FAM185A: variants seen among roughly 807,000 people sequenced by gnomAD.
FAM185A encodes protein FAM185A.
Under a neutral mutation model 45.7 loss-of-function variants are expected in FAM185A, and 21 were observed. That is an observed-to-expected ratio of 0.46 (90% confidence interval 0.33 to 0.66). The LOEUF is 0.66. FAM185A is among the 30% of genes least tolerant of loss of function. The pLI, the probability that FAM185A is intolerant of heterozygous loss-of-function variation, is 0.03. For synonymous variants in FAM185A, 117 were observed against 194.0 expected, an observed-to-expected ratio of 0.60 and a Z score of 3.30; for missense variants, 305 against 485.4, an observed-to-expected ratio of 0.63 and a Z score of 3.49.
At chr7:102,815,861 G>A in the FAM185A span, among the ~76,000 whole-genome samples, 1 of 152,064 alleles carries the variant, frequency 6.6e-6, no homozygotes, top group African/African-American at 2.4e-5. Context: ...TGGTAATTGT[G>A]ACATAAAACA....
At chr7:102,768,898 T>C (rs1446723938) in intron 4 of FAM185A, among the ~76,000 whole-genome samples, 2 of 152,166 alleles carry the variant, frequency 1.3e-5, no homozygotes, top group African/African-American at 4.8e-5. Flanking sequence ...AATTAATTTA[T>C]TATTTTCAGT....
the FAM185A span, among the ~76,000 whole-genome samples, chr7:102,831,431 A>ACACC: frequency 9.4e-4 from 138 of 147,236 alleles, 1 homozygote; most frequent in Admixed American, 2.0e-3. Flanking sequence ...ACACACACAC[A>ACACC]CCCCACTACA....
At chr7:102,843,439 A>C in the FAM185A span, among the ~76,000 whole-genome samples, 8 of 152,092 alleles carry the variant, frequency 5.3e-5, no homozygotes, top group East Asian at 1.5e-3. Context: ...ACTCCATCTC[A>C]AAAACAAAAA....
At chr7:102,781,116 G>A (rs1795378399) in intron 6 of FAM185A, among the ~76,000 whole-genome samples, 1 of 152,144 alleles carries the variant, frequency 6.6e-6, no homozygotes, top group Non-Finnish European at 1.5e-5. Context: ...GCTAGGGGAG[G>A]GGCGTCCACC....
chr7:102,816,734 C>T, the FAM185A span, among the ~76,000 whole-genome samples: 8 of 152,186 alleles, frequency 5.3e-5, no homozygotes, highest in African/African-American at 1.7e-4. Context: ...ACATAATGCC[C>T]AGTAGGTACT....
At chr7:102,761,698 C>T (rs1364297565) in intron 4 of FAM185A, among the ~76,000 whole-genome samples, 1 of 151,450 alleles carries the variant, frequency 6.6e-6, no homozygotes, top group African/African-American at 2.4e-5. Context: ...GAGTCTTGCT[C>T]TGTTGCCTAG....
chr7:102,780,312 G>A (rs1364802882), intron 6 of FAM185A, among the ~76,000 whole-genome samples: 2 of 152,108 alleles, frequency 1.3e-5, no homozygotes, highest in Middle Eastern at 3.4e-3. Context: ...AAAAACTTCT[G>A]AAATAGGAGT....
chr7:102,814,825 C>A, the FAM185A span, among the ~76,000 whole-genome samples: 1 of 152,088 alleles, frequency 6.6e-6, no homozygotes, highest in Non-Finnish European at 1.5e-5. Flanking sequence ...TTTTTTAAAT[C>A]TTTTTTTAAG....
At chr7:102,777,942 G>T (rs1233612511) in intron 6 of FAM185A, among the ~76,000 whole-genome samples, 1 of 152,180 alleles carries the variant, frequency 6.6e-6, no homozygotes, top group African/African-American at 2.4e-5. Flanking sequence ...ATATGAATTT[G>T]TCTGTTCTTC....
chr7:102,762,757 A>G (rs1794185557), intron 4 of FAM185A, among the ~76,000 whole-genome samples: 1 of 151,550 alleles, frequency 6.6e-6, no homozygotes, highest in South Asian at 2.1e-4. Flanking sequence ...GCATTCTTGC[A>G]AGGTTAAAGT....
At chr7:102,834,086 A>AAAAGAAAGAAAGAAAGAAAG in the FAM185A span, among the ~76,000 whole-genome samples, 10 of 93,696 alleles carry the variant, frequency 1.1e-4, no homozygotes, top group East Asian at 3.9e-4. Flanking sequence ...GGAAGGAAAG[A>AAAAGAAAGAAAGAAAGAAAG]AAAGAAAGAA....
the FAM185A span, among the ~76,000 whole-genome samples, chr7:102,842,984 G>A: frequency 6.6e-5 from 10 of 152,276 alleles, no homozygotes; most frequent in Admixed American, 4.6e-4. Flanking sequence ...CATGGCTGCC[G>A]CCCTTCCCAG....
At chr7:102,837,227 T>C in the FAM185A span, among the ~76,000 whole-genome samples, 1 of 152,138 alleles carries the variant, frequency 6.6e-6, no homozygotes. Flanking sequence ...ACAACTAAAC[T>C]CTGCAGAGCC....
intron 6 of FAM185A, among the ~76,000 whole-genome samples, chr7:102,780,012 C>CA (rs1179569996): frequency 1.3e-5 from 2 of 151,952 alleles, no homozygotes; most frequent in Non-Finnish European, 2.9e-5. Context: ...TGCCTGGCTG[C>CA]AATTTATTTC....
At chr7:102,797,998 T>C (rs1796541749) in intron 7 of FAM185A, among the ~76,000 whole-genome samples, 1 of 152,208 alleles carries the variant, frequency 6.6e-6, no homozygotes, top group Non-Finnish European at 1.5e-5. Flanking sequence ...TAGTGCAGAA[T>C]AGATCAGGTA....
chr7:102,753,741 CA>C (rs551321147), intron 2 of FAM185A, among the ~76,000 whole-genome samples: 42 of 145,146 alleles, frequency 2.9e-4, no homozygotes, highest in African/African-American at 8.1e-4. Flanking sequence ...GATGAATTAG[CA>C]AAAAAAAAAA....
chr7:102,810,244 G>GT, downstream of FAM185A, among the ~76,000 whole-genome samples: 1 of 152,112 alleles, frequency 6.6e-6, no homozygotes, highest in East Asian at 1.9e-4. Flanking sequence ...TTTTTTGTTT[G>GT]TTTTTTGAGA....
downstream of FAM185A, chr7:102,813,430 G>T: frequency 6.2e-7 from 1 of 1,614,166 alleles, no homozygotes; most frequent in Non-Finnish European, 8.5e-7. Flanking sequence ...GTCAAGCTCT[G>T]TAACAGGGTT....
At chr7:102,794,151 A>C (rs1796310974) in intron 7 of FAM185A, among the ~76,000 whole-genome samples, 1 of 151,990 alleles carries the variant, frequency 6.6e-6, no homozygotes, top group South Asian at 2.1e-4. Flanking sequence ...CCTAGACTAG[A>C]GTTCAAAGAG....
Sources: gnomAD v4.1 joint callset for allele counts (sites outside exome capture counted in the v4.1 genomes callset) on GRCh38, gnomAD v4.1.1 for gene constraint, MANE v1.5 for transcripts, NCBI Gene and HGNC (gene_info 2026-07-23, HGNC 2026-07-21) for gene names.